The following NLGN4Y variants were observed in gnomAD, a reference collection of about 807,000 sequenced individuals.
The protein encoded by NLGN4Y is neuroligin 4 Y-linked, also known as neuroligin-4, Y-linked.
Under a neutral mutation model 8.4 loss-of-function variants are expected in NLGN4Y, and 4 were observed. The ratio of observed to expected loss-of-function variants is 0.48; its 90% CI spans 0.23 to 1.09. The LOEUF is 1.09. Ranked by LOEUF, NLGN4Y falls within the 50% of genes least tolerant of loss-of-function variation. NLGN4Y has a pLI of 0.19. For synonymous variants in NLGN4Y, 35 were observed against 75.6 expected, an observed-to-expected ratio of 0.46 and a Z score of 2.78; for missense variants, 90 against 192.3, an observed-to-expected ratio of 0.47 and a Z score of 3.15.
At chrY:14,625,389 GTTAA>G (rs2080524376) in intron 2 of NLGN4Y, among the ~76,000 whole-genome samples, 2 of 32,857 alleles carry the variant, frequency 6.1e-5, no homozygotes, top group Admixed American at 5.6e-4. Flanking sequence ...TAGATGACAG[GTTAA>G]TTAACTTAAA....
chrY:14,608,190 T>C (rs2080454086), intron 1 of NLGN4Y, among the ~76,000 whole-genome samples: 2 of 33,840 alleles, frequency 5.9e-5, no homozygotes, highest in African/African-American at 2.3e-4. Flanking sequence ...TAGTTCCTTT[T>C]GCTGTGCAGA....
intron 1 of NLGN4Y, among the ~76,000 whole-genome samples, chrY:14,600,378 T>C (rs2080422812): frequency 2.8e-4 from 9 of 31,611 alleles, no homozygotes; most frequent in African/African-American, 9.7e-4. Context: ...TATTAGGCTA[T>C]TAAGCTCCTA....
chrY:14,586,645 TG>T (rs2080342444), intron 1 of NLGN4Y, among the ~76,000 whole-genome samples: 2 of 31,648 alleles, frequency 6.3e-5, no homozygotes, highest in African/African-American at 2.5e-4. Flanking sequence ...CTGGCCAACA[TG>T]GTGAAGCCCC....
chrY:14,708,579 T>C (rs2150548943), intron 2 of NLGN4Y, among the ~76,000 whole-genome samples: 1 of 33,619 alleles, frequency 3.0e-5, no homozygotes, highest in Non-Finnish European at 7.4e-5. Context: ...TTTAGGAATA[T>C]AATGCTGGGA....
At chrY:14,592,212 T>C in intron 1 of NLGN4Y, among the ~76,000 whole-genome samples, 1 of 32,284 alleles carries the variant, frequency 3.1e-5, no homozygotes, top group Non-Finnish European at 7.6e-5. Flanking sequence ...GAAAATGAGA[T>C]CATTTTATCT....
intron 1 of NLGN4Y, among the ~76,000 whole-genome samples, chrY:14,573,152 A>G: frequency 3.0e-5 from 1 of 33,395 alleles, no homozygotes; most frequent in African/African-American, 1.2e-4. Flanking sequence ...TATTGATTGC[A>G]TTAGTTTCAG....
At chrY:14,688,760 G>A (rs896239539) in intron 2 of NLGN4Y, among the ~76,000 whole-genome samples, 1 of 29,399 alleles carries the variant, frequency 3.4e-5, no homozygotes, top group Non-Finnish European at 8.0e-5. Context: ...GAGAGAATAA[G>A]GTCAATAAAA....
Position 14,845,255 on chromosome Y carries a change from C to G in NLGN4Y, c.*3993C>G. On this transcript the variant is annotated 3_prime_UTR_variant, in exon 7 of 7. Transcript: ENST00000684976. ...TATGCATATATATGTTATACATTTA[C>G]ATATGTACATGGATATCACATACTT... 3.0e-5 allele frequency: 1 copy of G among 33,752 alleles called. No homozygotes were observed. The highest frequency in any genetic ancestry group is 7.6e-4 in the East Asian group (1 of 1,313). The allele number at this position is 33,752 out of a possible 400,897, so 8.4% of individuals were successfully genotyped here.
At chrY:14,774,536 G>A (rs2081117974) in intron 4 of NLGN4Y, among the ~76,000 whole-genome samples, 3 of 33,437 alleles carry the variant, frequency 9.0e-5, no homozygotes, top group Admixed American at 8.1e-4. Context: ...ATGTGGAGAA[G>A]TAGGAATGCT....
intron 2 of NLGN4Y, among the ~76,000 whole-genome samples, chrY:14,718,926 A>G (rs2080924817): frequency 3.0e-5 from 1 of 33,105 alleles, no homozygotes; most frequent in African/African-American, 1.2e-4. Flanking sequence ...TTTCTAATGC[A>G]TGCAATTAAT....
chrY:14,568,919 T>C (rs981771113), intron 1 of NLGN4Y, among the ~76,000 whole-genome samples: 3 of 32,560 alleles, frequency 9.2e-5, no homozygotes, highest in African/African-American at 3.6e-4. Flanking sequence ...ATATGGAGGA[T>C]ATGGTGTTTC....
chrY:14,561,098 A>G, intron 1 of NLGN4Y, among the ~76,000 whole-genome samples: 1 of 32,955 alleles, frequency 3.0e-5, no homozygotes, highest in South Asian at 6.8e-4. Flanking sequence ...ATATTTTATT[A>G]TTATACTTTA....
At chrY:14,584,993 A>G in intron 1 of NLGN4Y, among the ~76,000 whole-genome samples, 1 of 33,391 alleles carries the variant, frequency 3.0e-5, no homozygotes, top group Non-Finnish European at 7.4e-5. Context: ...GGCTGTAGTA[A>G]TACATGTGTA....
At chrY:14,528,359 T>G in intron 1 of NLGN4Y, among the ~76,000 whole-genome samples, 2 of 31,821 alleles carry the variant, frequency 6.3e-5, no homozygotes, top group Non-Finnish European at 1.5e-4. Context: ...TATATTTTAA[T>G]AAGGTTTGTA....
chrY:14,788,388 G>C, intron 4 of NLGN4Y, among the ~76,000 whole-genome samples: 1 of 33,044 alleles, frequency 3.0e-5, no homozygotes, highest in Non-Finnish European at 7.4e-5. Flanking sequence ...GAAACATCTG[G>C]GTTGTTGGCT....
intron 1 of NLGN4Y, among the ~76,000 whole-genome samples, chrY:14,591,146 T>C (rs2080369842): frequency 3.0e-5 from 1 of 32,840 alleles, no homozygotes; most frequent in Admixed American, 2.8e-4. Flanking sequence ...TGTTAGGACT[T>C]AGAAAGACTA....
intron 1 of NLGN4Y, among the ~76,000 whole-genome samples, chrY:14,573,971 A>G (rs2080286392): frequency 3.0e-5 from 1 of 33,600 alleles, no homozygotes; most frequent in Non-Finnish European, 7.4e-5. Context: ...ACAGTTTGTT[A>G]TGATTTCTAT....
At chrY:14,766,166 A>G in intron 4 of NLGN4Y, among the ~76,000 whole-genome samples, 1 of 33,505 alleles carries the variant, frequency 3.0e-5, no homozygotes, top group African/African-American at 1.2e-4. Flanking sequence ...GTCAAAGACT[A>G]TTAGTGGAAT....
rs2150596344 is a variant in NLGN4Y, at chrY:14,830,010, C to T, written c.1152C>T (p.Asn384=). The T allele has an allele frequency of 2.5e-6, 1 of 395,820 alleles. No individual in the cohort carries two copies. Among genetic ancestry groups the T allele is most frequent in the Non-Finnish European group, 3.5e-6 (1 of 282,841 alleles). ...TGATGGAGCAAGGCGAGTTCCTCAA[C>T]TACGACATCATGCTGGGCGTCAACC... The part of the protein sequence containing the change: ...QILMEQGEFL[N]YDIMLGVNQG... Residue 384 remains asparagine, a synonymous_variant, in exon 6 of 7, where the codon AAC becomes AAT. Transcript: ENST00000684976.
Sources: gnomAD v4.1 joint callset for allele counts (sites outside exome capture counted in the v4.1 genomes callset) on GRCh38, gnomAD v4.1.1 for gene constraint, MANE v1.5 for transcripts, NCBI Gene and HGNC (gene_info 2026-07-23, HGNC 2026-07-21) for gene names.